The following USP42 variants were observed in gnomAD, a reference collection of about 807,000 sequenced individuals.
The protein encoded by USP42 is ubiquitin carboxyl-terminal hydrolase 42.
Under a neutral mutation model 113.0 loss-of-function variants are expected in USP42, and 23 were observed. That is an observed-to-expected ratio of 0.20 (90% CI 0.15 to 0.29). The LOEUF (loss-of-function observed/expected upper bound fraction) is 0.29. Ranked by LOEUF, USP42 falls within the 10% of genes least tolerant of loss-of-function variation. The probability of loss-of-function intolerance (pLI) is 1.00; values close to 1 mark genes in which losing one functional copy is unlikely to be tolerated. For synonymous variants in USP42, 933 were observed against 699.0 expected, an observed-to-expected ratio of 1.33 and a Z score of -5.28; for missense variants, 2,174 against 1,779.8, an observed-to-expected ratio of 1.22 and a Z score of -3.99.
At chr7:6,151,775 A>G (rs1285292545) in intron 14 of USP42, among the ~76,000 whole-genome samples, 1 of 151,516 alleles carries the variant, frequency 6.6e-6, no homozygotes, top group African/African-American at 2.4e-5. Context: ...GTCATGTATT[A>G]TGTACTAATC....
chr7:6,142,952 G>A lies in USP42; in HGVS notation c.816G>A (p.Lys272=), dbSNP rs1301815419. 8.1e-6 allele frequency: 13 copies of A among 1,613,876 alleles called. No individual in the cohort carries two copies. Among genetic ancestry groups the A allele is most frequent in the Middle Eastern group, 1.6e-4 (1 of 6,082 alleles). The part of the protein sequence containing the change: ...LEIKAAQSVN[K]ALEQFVKPEQ... The stretch of plus-strand genomic sequence containing the variant: ...CCCAGGCTGCTCAGAGTGTCAACAA[G>A]GCATTGGAGCAGTTTGTGAAGCCGG... Residue 272 remains lysine, a synonymous_variant, in exon 8 of 18, where the codon AAG becomes AAA. Transcript: ENST00000306177.
the USP42 span, among the ~76,000 whole-genome samples, chr7:6,082,603 GTTTT>G: frequency 3.3e-5 from 3 of 90,196 alleles, no homozygotes; most frequent in Non-Finnish European, 5.9e-5. Flanking sequence ...CTTTCTTTCT[GTTTT>G]TTTTTTTTTT....
At chr7:6,147,524 C>T (rs577021085) in intron 11 of USP42, among the ~76,000 whole-genome samples, 4 of 152,322 alleles carry the variant, frequency 2.6e-5, no homozygotes, top group South Asian at 2.1e-4. Flanking sequence ...GTTTAAAGAA[C>T]GTCATTTACC....
chr7:6,118,873 A>T (rs989693387), intron 3 of USP42, among the ~76,000 whole-genome samples: 1 of 152,164 alleles, frequency 6.6e-6, no homozygotes, highest in Non-Finnish European at 1.5e-5. Flanking sequence ...TGTACTGATC[A>T]CTTGTTTGTC....
the USP42 span, among the ~76,000 whole-genome samples, chr7:6,097,890 T>TTTTTG: frequency 7.7e-4 from 74 of 95,802 alleles, no homozygotes; most frequent in Non-Finnish European, 1.2e-3. Context: ...GCGCCCGGCC[T>TTTTTG]TCTTTTTCTT....
intron 3 of USP42, among the ~76,000 whole-genome samples, chr7:6,132,510 A>G (rs944622659): frequency 6.6e-6 from 1 of 151,006 alleles, no homozygotes; most frequent in African/African-American, 2.4e-5. Context: ...GGCGCACACC[A>G]CCATGCCCAG....
chr7:6,141,327 C>T (rs1282657258), intron 7 of USP42, among the ~76,000 whole-genome samples: 1 of 150,994 alleles, frequency 6.6e-6, no homozygotes, highest in East Asian at 1.9e-4. Flanking sequence ...CTCAGCCTCC[C>T]GAGTAGGTGG....
the USP42 span, among the ~76,000 whole-genome samples, chr7:6,092,057 C>CT: frequency 1.2e-4 from 7 of 56,634 alleles, no homozygotes; most frequent in South Asian, 5.7e-4. Context: ...CTTCTTCTTT[C>CT]TTCTTCTTCT....
At chr7:6,141,743 A>T (rs12667323) in intron 7 of USP42, among the ~76,000 whole-genome samples, 9,746 of 151,818 alleles carry the variant, frequency 0.064, 492 homozygotes, top group African/African-American at 0.13. Context: ...TGAATTCCTA[A>T]TTTTTTTGTT....
Position 6,139,641 on chromosome 7 carries a change from AG to A in USP42, c.656+451del, listed in dbSNP as rs1283478127. ...AAATGCAGACTCAAGAGGAAGAACG[AG>A]GGGACAGATAATGCATCCCAAGCCG... is the stretch of plus-strand genomic sequence containing the variant. On this transcript the variant is annotated intron_variant, in intron 5 of 17. Transcript: ENST00000306177. This position sits in a 1 kb window ranked among gnomAD's most constrained non-coding sequence, Gnocchi z 4.5. The A allele has an allele frequency of 2.4e-5, 5 of 204,138 alleles. No individual in the cohort carries two copies. Among genetic ancestry groups the A allele is most frequent in the Non-Finnish European group, 4.9e-5 (5 of 101,296 alleles). 12.6% of individuals were successfully genotyped at this position (204,138 alleles called of 1,614,324 possible).
chr7:6,154,963 A>G lies in USP42; in HGVS notation c.3409A>G (p.Thr1137Ala). The change falls in exon 15 of 18, where the codon ACT becomes GCT. Residue 1137 changes from threonine (T) to alanine (A), a missense_variant. Transcript: ENST00000306177. Reference sequence around the variant, plus strand: ...CCCCGACCGCTTCTCCCACGACAGAACTGCACTTGTAGCCGGAGACAACTG... The same window carrying G: ...CCCCGACCGCTTCTCCCACGACAGAGCTGCACTTGTAGCCGGAGACAACTG... ...PHPDRFSHDR[T>A]ALVAGDNCNL... The G allele has an allele frequency of 1.3e-5, 20 of 1,559,744 alleles. No homozygotes were observed. The highest frequency in any genetic ancestry group is 1.7e-5 in the Non-Finnish European group (19 of 1,151,402).
rs1344071894 is a variant in USP42 at position 6,154,823 on chromosome 7, A to T, written c.3269A>T (p.Glu1090Val). Residue 1090 changes from glutamate (E) to valine (V), a missense_variant, in exon 15 of 18, where the codon GAG becomes GTG. Glu to Val is a moderately radical substitution (Grantham distance 121). Transcript: ENST00000306177. ...GREHERAGLH[E>V]RPHKDHNRGR... ...GAGCACGAGCGGGCCGGGCTGCACGAGCGGCCGCACAAGGACCACAACCGG... is the reference window on the plus strand; with the variant it reads ...GAGCACGAGCGGGCCGGGCTGCACGTGCGGCCGCACAAGGACCACAACCGG... 2.6e-6 allele frequency: 4 copies of T among 1,542,452 alleles called. No individual in the cohort carries two copies. The highest frequency in any genetic ancestry group is 3.5e-6 in the Non-Finnish European group (4 of 1,142,780).
intron 6 of USP42, 48 bp from the exon 7 acceptor site, chr7:6,140,866 T>G (rs770125050): frequency 2.9e-6 from 3 of 1,025,022 alleles, no homozygotes; most frequent in Admixed American, 2.2e-5. Context: ...TTGATGTTGC[T>G]GTAATGATTA....
chr7:6,141,006 G>C lies in USP42; in HGVS notation c.795+22G>C, dbSNP rs563969913. On this transcript the variant is annotated intron_variant, in intron 7 of 17. Coordinates refer to ENST00000306177, the MANE Select transcript of USP42 (RefSeq NM_032172.3). ...AAAGGTAAATTTCATAATTATGGGA[G>C]TAATTACATTTTTAAAATAAGTCAT... The C allele has an allele frequency of 1.1e-5, 14 of 1,225,322 alleles. No individual in the cohort carries two copies. The South Asian group carries it at 1.7e-4, about 15-fold the overall frequency. The allele number at this position is 1,225,322 out of a possible 1,614,324, so 75.9% of individuals were successfully genotyped here.
At chr7:6,149,119 G>A (rs1401871050) in intron 12 of USP42, among the ~76,000 whole-genome samples, 2 of 152,140 alleles carry the variant, frequency 1.3e-5, no homozygotes, top group Non-Finnish European at 2.9e-5. Context: ...GACGTTGTGG[G>A]GCAGTGGTGG....
In USP42 at chr7:6,135,879, G is replaced by A. The variant is rs777399942; in HGVS notation, c.481G>A (p.Ala161Thr). 20 of 1,607,110 alleles carry A rather than the reference G, an allele frequency of 1.2e-5. No homozygotes were observed. The highest frequency in any genetic ancestry group is 1.6e-5 in the Non-Finnish European group (19 of 1,177,782). Residue 161 changes from alanine (A) to threonine (T), a missense_variant, in exon 4 of 18, where the codon GCA becomes ACA. Coordinates refer to ENST00000306177, the MANE Select transcript of USP42 (RefSeq NM_032172.3). The stretch of plus-strand genomic sequence containing the variant: ...CTTTTGTATGATGTGTACAATGCAA[G>A]CACATATTACCCAGGCACTCAGTAA... ...EGFCMMCTMQAHITQALSNPG... is the reference protein window; with the variant it reads ...EGFCMMCTMQTHITQALSNPG...
rs376451090 is a variant in USP42 at position 6,149,926 on chromosome 7, A to G, written c.1730A>G (p.Lys577Arg). Reference sequence around the variant, plus strand: ...GCATCTACGATGTCAGTTTCTAGTAAAGTAACAAAACCGATCCCCCGCAGT... The same window carrying G: ...GCATCTACGATGTCAGTTTCTAGTAGAGTAACAAAACCGATCCCCCGCAGT... ...SNASTMSVSS[K>R]VTKPIPRSES... is the part of the protein sequence containing the mutation. The change falls in exon 13 of 18, where the codon AAA becomes AGA. Residue 577 changes from lysine to arginine, a missense_variant. By Grantham distance (26) the Lys-to-Arg change is conservative. Coordinates refer to ENST00000306177, the MANE Select transcript of USP42 (RefSeq NM_032172.3). 3 of 1,613,904 alleles carry G rather than the reference A, an allele frequency of 1.9e-6. No individual in the cohort carries two copies. Among genetic ancestry groups the G allele is most frequent in the Non-Finnish European group, 1.7e-6 (2 of 1,179,910 alleles).
intron 3 of USP42, among the ~76,000 whole-genome samples, chr7:6,118,313 G>A (rs1780025727): frequency 6.6e-6 from 1 of 152,114 alleles, no homozygotes; most frequent in Non-Finnish European, 1.5e-5. Context: ...CTTGAGTTCA[G>A]TAGTTTGAGA....
At chr7:6,116,586 C>T in intron 3 of USP42, 1 of 331,224 alleles carries the variant, frequency 3.0e-6, no homozygotes, top group South Asian at 2.5e-5. Context: ...TTGAATAGTT[C>T]TTTACTTAAT....
Sources: allele counts gnomAD v4.1 joint callset (sites outside exome capture counted in the v4.1 genomes callset), GRCh38; gene constraint gnomAD v4.1.1; non-coding constraint Gnocchi (gnomAD v3.1); transcripts MANE v1.5; gene names NCBI Gene and HGNC (gene_info 2026-07-23, HGNC 2026-07-21).